Variants in PRKCH observed in about 807,000 individuals in gnomAD.
The protein encoded by PRKCH is protein kinase C eta type.
Under a neutral mutation model 82.5 loss-of-function variants are expected in PRKCH, and 28 were observed. The ratio of observed to expected loss-of-function variants is 0.34; its 90% CI spans 0.25 to 0.47. The LOEUF (loss-of-function observed/expected upper bound fraction) is 0.47, where lower values mean the gene tolerates loss of function less well. Ranked by LOEUF, PRKCH falls within the 20% of genes least tolerant of loss-of-function variation. The pLI is 1.00. For missense variants in PRKCH, 705 were observed against 881.8 expected (o/e 0.80, Z 2.54); for synonymous variants, 322 against 327.4 (o/e 0.98, Z 0.18).
At chr14:61,349,972 A>G (rs2046049404) in intron 1 of PRKCH, among the ~76,000 whole-genome samples, 1 of 152,218 alleles carries the variant, frequency 6.6e-6, no homozygotes, top group African/African-American at 2.4e-5. Context: ...AAGTTATGCC[A>G]GCACTGTGCT....
At chr14:61,453,693 ACC>A (rs1332480670) in intron 7 of PRKCH, among the ~76,000 whole-genome samples, 1 of 147,278 alleles carries the variant, frequency 6.8e-6, no homozygotes, top group East Asian at 2.0e-4. Flanking sequence ...TTCCTCTGTC[ACC>A]CAGGCTGGAG....
intron 1 of PRKCH, among the ~76,000 whole-genome samples, chr14:61,362,745 A>C (rs1053755269): frequency 5.9e-5 from 9 of 152,346 alleles, no homozygotes; most frequent in African/African-American, 2.2e-4. Context: ...TTGAAGCTCC[A>C]TAATGTGTCG....
At chr14:61,392,160 C>T (rs1338149426) in intron 2 of PRKCH, among the ~76,000 whole-genome samples, 1 of 151,972 alleles carries the variant, frequency 6.6e-6, no homozygotes, top group African/African-American at 2.4e-5. Flanking sequence ...CCATTCTCCT[C>T]TTGGTGGACT....
chr14:61,191,048 C>A (rs1450695862), intron 1 of PRKCH, among the ~76,000 whole-genome samples: 3 of 152,146 alleles, frequency 2.0e-5, no homozygotes, highest in African/African-American at 7.2e-5. Flanking sequence ...TAACTAATTT[C>A]TAAAATCAAA....
At chr14:61,299,905 A>G (rs980873161) in intron 1 of PRKCH, 7 of 152,248 alleles carry the variant, frequency 4.6e-5, no homozygotes, top group Non-Finnish European at 1.0e-4. Context: ...AAACCTATGC[A>G]TTATTATAAA....
At chr14:61,348,978 G>A (rs917418740) in intron 1 of PRKCH, among the ~76,000 whole-genome samples, 1 of 152,240 alleles carries the variant, frequency 6.6e-6, no homozygotes, top group Non-Finnish European at 1.5e-5. Context: ...TGACACAGAA[G>A]TGTTCCCTGC....
chr14:61,469,157 G>C (rs951978322), intron 9 of PRKCH, among the ~76,000 whole-genome samples: 1 of 152,140 alleles, frequency 6.6e-6, no homozygotes, highest in East Asian at 1.9e-4. Flanking sequence ...CACTGGTCTT[G>C]AACTCCTGAC....
chr14:61,280,961 G>A lies in PRKCH; in HGVS notation c.-19+93293G>A. 1 of 1,542,722 alleles carries A rather than the reference G, an allele frequency of 6.5e-7. No homozygotes were observed. The highest frequency in any genetic ancestry group is 8.7e-7 in the Non-Finnish European group (1 of 1,147,286). ...GGGTCGCCTGTATAGTCGTACTCCA[G>A]CTCCTTGATGCCGTTGGAGGAGTAG... On this transcript the variant is annotated intron_variant, in intron 1 of 3. Transcript: ENST00000555185. This position sits in a 1 kb window ranked among gnomAD's most constrained non-coding sequence, Gnocchi z 5.0.
intron 13 of PRKCH, 91 bp from the exon 14 acceptor site, chr14:61,549,594 C>G: frequency 7.0e-7 from 1 of 1,420,836 alleles, no homozygotes; most frequent in Non-Finnish European, 9.6e-7. Context: ...GAGCACTCCT[C>G]TGAACTCACT....
chr14:61,512,109 T>G (rs184890642), intron 10 of PRKCH, among the ~76,000 whole-genome samples: 76 of 152,282 alleles, frequency 5.0e-4, no homozygotes, highest in African/African-American at 1.7e-3. Context: ...TCACTTGTCA[T>G]GTCTGTGGTG....
At chr14:61,400,627 T>G (rs942057196) in intron 2 of PRKCH, among the ~76,000 whole-genome samples, 5 of 152,240 alleles carry the variant, frequency 3.3e-5, no homozygotes, top group African/African-American at 1.2e-4. Context: ...GCTCATTTGT[T>G]GAATGCCTTC....
chr14:61,413,977 C>A (rs964067788), intron 2 of PRKCH, among the ~76,000 whole-genome samples: 1 of 152,148 alleles, frequency 6.6e-6, no homozygotes, highest in Non-Finnish European at 1.5e-5. Flanking sequence ...CACCTCAGAG[C>A]CCACACTTTT....
chr14:61,472,731 A>G (rs1379105233), intron 9 of PRKCH, among the ~76,000 whole-genome samples: 1 of 152,220 alleles, frequency 6.6e-6, no homozygotes, highest in Non-Finnish European at 1.5e-5. Context: ...AAACAACAAA[A>G]CAAAAAGTAG....
chr14:61,287,199 C>T (rs766996476), intron 1 of PRKCH, among the ~76,000 whole-genome samples: 10 of 111,706 alleles, frequency 9.0e-5, no homozygotes, highest in African/African-American at 2.3e-4. Context: ...TGCAAGACTC[C>T]GTCTTAAAAA....
chr14:61,454,977 C>T lies in PRKCH; in HGVS notation c.960+1624C>T, dbSNP rs56781056. ...CTGAAAATGTCAGCACCAACCACCTCATTTCCTTTTTACTGAAGGACTCCT... is the reference window on the plus strand; with the variant it reads ...CTGAAAATGTCAGCACCAACCACCTTATTTCCTTTTTACTGAAGGACTCCT... On this transcript the variant is annotated intron_variant, in intron 7 of 13. Transcript: ENST00000332981. Among the ~76,000 whole-genome samples, 2,866 of 152,100 alleles carry T rather than the reference C, an allele frequency of 0.019. 197 individuals carry two copies. The East Asian group carries it at 0.26, about 14-fold the overall frequency.
At chr14:61,533,307 ATC>A (rs2043064207) in intron 12 of PRKCH, among the ~76,000 whole-genome samples, 1 of 147,204 alleles carries the variant, frequency 6.8e-6, no homozygotes, top group Admixed American at 7.0e-5. Flanking sequence ...AAAAAAAAAA[ATC>A]ACTAAGAGGA....
chr14:61,303,092 A>C (rs1021474384), intron 1 of PRKCH: 3 of 148,380 alleles, frequency 2.0e-5, no homozygotes, highest in Non-Finnish European at 4.4e-5. Flanking sequence ...ATCACAGCTC[A>C]TTGCAGCCTT....
chr14:61,438,009 T>C (rs902290291), intron 2 of PRKCH, among the ~76,000 whole-genome samples: 4 of 152,194 alleles, frequency 2.6e-5, no homozygotes, highest in Non-Finnish European at 5.9e-5. Context: ...CTAGGTAAGT[T>C]ACTACCTGTC....
chr14:61,487,414 A>AT (rs908078948), intron 10 of PRKCH, among the ~76,000 whole-genome samples: 1 of 152,006 alleles, frequency 6.6e-6, no homozygotes, highest in East Asian at 1.9e-4. Flanking sequence ...AGATCACAGC[A>AT]TTTTTTTCCC....
Sources: allele counts gnomAD v4.1 joint callset (sites outside exome capture counted in the v4.1 genomes callset), GRCh38; gene constraint gnomAD v4.1.1; non-coding constraint Gnocchi (gnomAD v3.1); transcripts MANE v1.5; gene names NCBI Gene and HGNC (gene_info 2026-07-23, HGNC 2026-07-21).